The following CNTNAP2 variants were observed in gnomAD, a reference collection of about 807,000 sequenced individuals.
The protein encoded by CNTNAP2 is contactin associated protein 2.
In CNTNAP2, 98 loss-of-function variants were observed where a neutral mutation model predicts 155.2. The ratio of observed to expected loss-of-function variants is 0.63; its 90% CI spans 0.54 to 0.75. The LOEUF is 0.75. CNTNAP2 is among the 30% of genes least tolerant of loss of function. The probability of loss-of-function intolerance (pLI) is 0.00; values close to 1 mark genes in which losing one functional copy is unlikely to be tolerated. For missense variants in CNTNAP2, 1,727 were observed against 1,688.1 expected, an observed-to-expected ratio of 1.02 and a Z score of -0.40; for synonymous variants, 651 against 631.2, an observed-to-expected ratio of 1.03 and a Z score of -0.47.
At chr7:146,981,636 G>A (rs1798019788) in intron 3 of CNTNAP2, among the ~76,000 whole-genome samples, 1 of 152,034 alleles carries the variant, frequency 6.6e-6, no homozygotes, top group Non-Finnish European at 1.5e-5. Flanking sequence ...GGTAAACAAT[G>A]TGTATTCTGG....
chr7:146,548,972 A>G (rs910532109), intron 1 of CNTNAP2, among the ~76,000 whole-genome samples: 1 of 151,624 alleles, frequency 6.6e-6, no homozygotes, highest in Non-Finnish European at 1.5e-5. Flanking sequence ...GTTTTCATCT[A>G]GGAGTTTTCT....
intron 15 of CNTNAP2, among the ~76,000 whole-genome samples, chr7:148,102,980 A>G (rs1436151546): frequency 1.3e-5 from 2 of 152,204 alleles, no homozygotes; most frequent in Non-Finnish European, 2.9e-5. Flanking sequence ...CAACATATGT[A>G]AGATATACAT....
At chr7:148,188,095 A>G (rs1406680665) in intron 18 of CNTNAP2, among the ~76,000 whole-genome samples, 1 of 152,116 alleles carries the variant, frequency 6.6e-6, no homozygotes, top group African/African-American at 2.4e-5. Flanking sequence ...ATGAGTTTAG[A>G]TGGAAAAAAT....
At chr7:146,532,518 C>T (rs955705787) in intron 1 of CNTNAP2, among the ~76,000 whole-genome samples, 15 of 152,076 alleles carry the variant, frequency 9.9e-5, no homozygotes, top group African/African-American at 3.6e-4. Flanking sequence ...TGTGATATGA[C>T]TCTCAGAATA....
intron 1 of CNTNAP2, among the ~76,000 whole-genome samples, chr7:146,498,841 G>T (rs561667048): frequency 1.3e-5 from 2 of 152,092 alleles, no homozygotes; most frequent in Non-Finnish European, 2.9e-5. Flanking sequence ...ATTTCCAAAA[G>T]CATGGGTGCT....
At chr7:146,632,826 A>C (rs1263792587) in intron 1 of CNTNAP2, among the ~76,000 whole-genome samples, 2 of 152,036 alleles carry the variant, frequency 1.3e-5, no homozygotes, top group Non-Finnish European at 2.9e-5. Context: ...AGAATTTATA[A>C]AGATCCTGAA....
chr7:146,514,186 T>C (rs549548988), intron 1 of CNTNAP2, among the ~76,000 whole-genome samples: 37 of 152,198 alleles, frequency 2.4e-4, no homozygotes, highest in Middle Eastern at 3.4e-3. Flanking sequence ...TTTCACTGTT[T>C]GACTATTATA....
chr7:146,945,078 T>C (rs1263137371), intron 3 of CNTNAP2, among the ~76,000 whole-genome samples: 2 of 152,200 alleles, frequency 1.3e-5, no homozygotes, highest in Admixed American at 1.3e-4. Context: ...AAGCATTCTG[T>C]ATAGTCTCAC....
chr7:148,001,384 C>T (rs976488012), intron 15 of CNTNAP2, among the ~76,000 whole-genome samples: 2 of 152,232 alleles, frequency 1.3e-5, no homozygotes, highest in African/African-American at 4.8e-5. Context: ...AGTGACTCAC[C>T]TAGCAGAGTT....
chr7:146,445,715 A>G (rs1796393118), intron 1 of CNTNAP2, among the ~76,000 whole-genome samples: 1 of 152,194 alleles, frequency 6.6e-6, no homozygotes, highest in South Asian at 2.1e-4. Flanking sequence ...GTATCAAATA[A>G]AGATAGCAAG....
chr7:147,198,874 G>A (rs1189460114), intron 8 of CNTNAP2, among the ~76,000 whole-genome samples: 2 of 151,598 alleles, frequency 1.3e-5, no homozygotes, highest in Non-Finnish European at 2.9e-5. Context: ...ATGGGTGATT[G>A]TGGATACCAG....
At chr7:148,158,403 A>G (rs1279906693) in intron 17 of CNTNAP2, among the ~76,000 whole-genome samples, 1 of 151,876 alleles carries the variant, frequency 6.6e-6, no homozygotes, top group African/African-American at 2.4e-5. Flanking sequence ...TTGTATTTTT[A>G]GTAGAGATAG....
chr7:146,257,768 G>A (rs1374199216), intron 1 of CNTNAP2, among the ~76,000 whole-genome samples: 35 of 152,152 alleles, frequency 2.3e-4, no homozygotes, highest in Admixed American at 2.3e-3. Flanking sequence ...AACATACTTT[G>A]AAAATCACTA....
intron 13 of CNTNAP2, among the ~76,000 whole-genome samples, chr7:147,655,508 A>G (rs77161580): frequency 0.1 from 15,802 of 152,318 alleles, 1,007 homozygotes; most frequent in Middle Eastern, 0.24. Context: ...CAGGCATGAA[A>G]AAACATTAAT....
intron 4 of CNTNAP2, among the ~76,000 whole-genome samples, chr7:147,074,695 A>T (rs1234167970): frequency 1.3e-5 from 2 of 152,336 alleles, no homozygotes; most frequent in Admixed American, 6.5e-5. Context: ...ATTAAAAATG[A>T]AAATCAATCA....
intron 4 of CNTNAP2, among the ~76,000 whole-genome samples, chr7:147,058,733 A>C (rs1260357692): frequency 2.0e-5 from 3 of 152,070 alleles, no homozygotes; most frequent in Non-Finnish European, 4.4e-5. Context: ...CAGCCTCCCA[A>C]GTAGCTGGGA....
intron 1 of CNTNAP2, among the ~76,000 whole-genome samples, chr7:146,773,924 T>G (rs1313683932): frequency 6.6e-6 from 1 of 152,212 alleles, no homozygotes; most frequent in Non-Finnish European, 1.5e-5. Context: ...TCCCTGTTCC[T>G]ATAATGTATA....
intron 13 of CNTNAP2, among the ~76,000 whole-genome samples, chr7:147,859,422 CAAA>C (rs35631450): frequency 0.12 from 16,002 of 130,094 alleles, 1,160 homozygotes; most frequent in East Asian, 0.23. Context: ...AGATCAAGAC[CAAA>C]AAAAAAAAAA....
In CNTNAP2 at chr7:146,625,176, C is replaced by T. The variant is rs115494964; in HGVS notation, c.98-149095C>T. Among the ~76,000 whole-genome samples, 1,500 of 151,924 alleles carry T rather than the reference C, an allele frequency of 9.9e-3. 17 individuals carry two copies. The highest frequency in any genetic ancestry group is 0.035 in the African/African-American group (1,435 of 41,466). Reference sequence around the variant, plus strand: ...AAATTCATTGTGCAGAAGATTGACACATATGGTCAGAGAGGAAAGGAGACT... The same window carrying T: ...AAATTCATTGTGCAGAAGATTGACATATATGGTCAGAGAGGAAAGGAGACT... On this transcript the variant is annotated intron_variant, in intron 1 of 23. Transcript: ENST00000361727.
Sources: allele counts gnomAD v4.1 joint callset (sites outside exome capture counted in the v4.1 genomes callset), GRCh38; gene constraint gnomAD v4.1.1; transcripts MANE v1.5; gene names NCBI Gene and HGNC (gene_info 2026-07-23, HGNC 2026-07-21).